Variants in ADAMTS20 observed in about 807,000 individuals in gnomAD.
ADAMTS20 encodes ADAM metallopeptidase with thrombospondin type 1 motif 20.
ADAMTS20 carries 225 observed loss-of-function variants against 260.1 expected under a neutral mutation model. The observed-to-expected ratio is 0.87, with a 90% confidence interval of 0.78 to 0.97. ADAMTS20 has a LOEUF of 0.97. Ranked by LOEUF, ADAMTS20 falls within the 50% of genes least tolerant of loss-of-function variation. ADAMTS20 has a pLI of 0.00. For synonymous variants in ADAMTS20, 802 were observed against 769.5 expected (o/e 1.04, Z -0.70); for missense variants, 2,400 against 2,337.7 (o/e 1.03, Z -0.55).
At chr12:43,388,368 C>G (rs984511167) in intron 29 of ADAMTS20, among the ~76,000 whole-genome samples, 1 of 152,162 alleles carries the variant, frequency 6.6e-6, no homozygotes, top group Non-Finnish European at 1.5e-5. Flanking sequence ...TACCCACTGT[C>G]TAACCAGTGA....
At chr12:43,477,578 C>T (rs914504302) in intron 7 of ADAMTS20, among the ~76,000 whole-genome samples, 1 of 152,136 alleles carries the variant, frequency 6.6e-6, no homozygotes. Flanking sequence ...GCTCACATGA[C>T]TAGTGAGGAC....
At chr12:43,512,719 C>T (rs1592104616) in intron 3 of ADAMTS20, among the ~76,000 whole-genome samples, 1 of 152,114 alleles carries the variant, frequency 6.6e-6, no homozygotes, top group East Asian at 1.9e-4. Flanking sequence ...TCCTTGCATC[C>T]CCTGAATCAC....
At chr12:43,441,846 AAT>A (rs1245091099) in intron 16 of ADAMTS20, among the ~76,000 whole-genome samples, 4 of 152,232 alleles carry the variant, frequency 2.6e-5, no homozygotes, top group Non-Finnish European at 5.9e-5. Flanking sequence ...CTGAAAAAGC[AAT>A]ATTGAAGGGA....
chr12:43,411,152 G>T (rs186093712), intron 28 of ADAMTS20, among the ~76,000 whole-genome samples: 57 of 152,236 alleles, frequency 3.7e-4, no homozygotes, highest in Admixed American at 1.2e-3. Context: ...TGAGAAAAAT[G>T]CAAATTCTAC....
chr12:43,485,586 A>G (rs777831827), intron 7 of ADAMTS20, among the ~76,000 whole-genome samples: 3 of 151,834 alleles, frequency 2.0e-5, no homozygotes, highest in Non-Finnish European at 4.4e-5. Context: ...CAGGCAAGAG[A>G]AAGAAATAAA....
At chr12:43,485,770 C>A (rs745693936) in intron 7 of ADAMTS20, among the ~76,000 whole-genome samples, 1 of 152,028 alleles carries the variant, frequency 6.6e-6, no homozygotes, top group Non-Finnish European at 1.5e-5. Context: ...CTGCTATACA[C>A]CAAAAACAAT....
chr12:43,544,878 C>T (rs531839446), intron 2 of ADAMTS20, among the ~76,000 whole-genome samples: 9 of 152,318 alleles, frequency 5.9e-5, no homozygotes, highest in African/African-American at 2.2e-4. Context: ...TGCAAGGCTG[C>T]TCCACTTCAG....
chr12:43,379,883 A>T (rs1940312204), intron 31 of ADAMTS20, among the ~76,000 whole-genome samples: 1 of 152,178 alleles, frequency 6.6e-6, no homozygotes, highest in Non-Finnish European at 1.5e-5. Context: ...TTAAAGAAGA[A>T]TTAGCACCAA....
intron 3 of ADAMTS20, among the ~76,000 whole-genome samples, chr12:43,530,600 T>G (rs1164644547): frequency 6.6e-6 from 1 of 152,188 alleles, no homozygotes; most frequent in Non-Finnish European, 1.5e-5. Flanking sequence ...GAACTATAGT[T>G]TACGGACACC....
At chr12:43,451,063 T>A (rs1015436088) in intron 14 of ADAMTS20, among the ~76,000 whole-genome samples, 9 of 152,288 alleles carry the variant, frequency 5.9e-5, no homozygotes, top group African/African-American at 2.2e-4. Context: ...ATTTAAACAA[T>A]CTGGTTTATA....
intron 7 of ADAMTS20, 30 bp downstream of exon 7, chr12:43,490,365 A>T: frequency 9.1e-7 from 1 of 1,098,494 alleles, no homozygotes; most frequent in Non-Finnish European, 1.3e-6. Flanking sequence ...ACAATTACAT[A>T]AGCTAAACTT....
In ADAMTS20 at chr12:43,432,648, G is replaced by A. The variant is rs778039419; in HGVS notation, c.2884C>T (p.His962Tyr). The change falls in exon 20 of 39, where the codon CAT becomes TAT. Residue 962 changes from histidine to tyrosine, a missense_variant. His to Tyr is a moderately conservative substitution (Grantham distance 83). Transcript: ENST00000389420. Reference sequence around the variant, plus strand: ...CATCTTGTGAAGACACAGTTACCATGGCATAGTTCTTGGGTAGGAGGTTTA... The same window carrying A: ...CATCTTGTGAAGACACAGTTACCATAGCATAGTTCTTGGGTAGGAGGTTTA... ...QLKPPTQELC[H>Y]GNCVFTRWHY... 1 of 1,613,858 alleles carries A rather than the reference G, an allele frequency of 6.2e-7. No individual in the cohort carries two copies. Among genetic ancestry groups the A allele is most frequent in the Non-Finnish European group, 8.5e-7 (1 of 1,179,850 alleles).
At chr12:43,376,489 C>G in intron 33 of ADAMTS20, 35 bp downstream of exon 33, 1 of 1,588,132 alleles carries the variant, frequency 6.3e-7, no homozygotes. Flanking sequence ...TATTAGAAAC[C>G]CTTAGGTATT....
At chr12:43,467,102 G>T (rs762698613) in intron 8 of ADAMTS20, among the ~76,000 whole-genome samples, 1 of 151,982 alleles carries the variant, frequency 6.6e-6, no homozygotes, top group Non-Finnish European at 1.5e-5. Context: ...GTTCAACATG[G>T]ATATCCCATG....
intron 3 of ADAMTS20, 29 bp downstream of exon 3, chr12:43,532,007 G>T: frequency 7.0e-7 from 1 of 1,418,746 alleles, no homozygotes; most frequent in Non-Finnish European, 9.3e-7. Flanking sequence ...TCACTATTTA[G>T]CTGAAAAGAG....
chr12:43,490,431 CT>C lies in ADAMTS20; in HGVS notation c.1080del (p.Asp361ThrfsTer12). 1 of 1,294,342 alleles carries C rather than the reference CT, an allele frequency of 7.7e-7. No homozygotes were observed. Among genetic ancestry groups the C allele is most frequent in the Non-Finnish European group, 1.0e-6 (1 of 961,296 alleles). The allele number at this position is 1,294,342 out of a possible 1,614,324, so 80.2% of individuals were successfully genotyped here. ...HHDTAVLITREDICSSKEKCN... is the reference protein window; with the variant it reads ...HHDTAVLITRXDICSSKEKCN... ...CATTTCTCTTTAGATGAACAAATGT[CT>C]TCCCTTAAAATAAAAGATTTATTTT... On this transcript the variant is annotated frameshift_variant, in exon 7 of 39. Coordinates refer to ENST00000389420, the MANE Select transcript of ADAMTS20 (RefSeq NM_025003.5). LOFTEE classifies it high-confidence loss of function.
At chr12:43,515,723 T>G (rs1942991201) in intron 3 of ADAMTS20, among the ~76,000 whole-genome samples, 1 of 152,204 alleles carries the variant, frequency 6.6e-6, no homozygotes, top group African/African-American at 2.4e-5. Context: ...ATATTAATAG[T>G]ACTTAATATG....
chr12:43,521,409 A>T (rs1943070324), intron 3 of ADAMTS20, among the ~76,000 whole-genome samples: 1 of 152,216 alleles, frequency 6.6e-6, no homozygotes, highest in Admixed American at 6.5e-5. Flanking sequence ...ATATTTTCCA[A>T]ATAGATTACT....
At position 43,508,819 on chromosome 12, in the gene ADAMTS20, G is replaced by T. The variant is rs117458701; in HGVS notation, c.614-6414C>A. Among the ~76,000 whole-genome samples the T allele has an allele frequency of 2.0e-4, 30 of 152,094 alleles. No individual in the cohort carries two copies. In the East Asian group the frequency reaches 5.6e-3, roughly 28 times the overall value. The stretch of plus-strand genomic sequence containing the variant: ...GTACAATAAATTATTGCTGACTGTA[G>T]TCACCTTGTTGTACTAGACTTTATT... On this transcript the variant is annotated intron_variant, in intron 3 of 38. Transcript: ENST00000389420.
Sources: allele counts gnomAD v4.1 joint callset (sites outside exome capture counted in the v4.1 genomes callset), GRCh38; gene constraint gnomAD v4.1.1; transcripts MANE v1.5; gene names NCBI Gene and HGNC (gene_info 2026-07-23, HGNC 2026-07-21).